Variants in FLRT1 observed in about 807,000 individuals in gnomAD.
FLRT1 encodes fibronectin leucine rich transmembrane protein 1, also known as leucine-rich repeat transmembrane protein FLRT1.
A neutral mutation model predicts 30.9 loss-of-function variants in FLRT1; 14 were observed. That is an observed-to-expected ratio of 0.45 (90% confidence interval 0.30 to 0.71). FLRT1 has a LOEUF of 0.71. FLRT1 is among the 30% of genes least tolerant of loss of function. FLRT1 has a pLI of 0.08. For missense variants in FLRT1, 737 were observed against 949.2 expected, an observed-to-expected ratio of 0.78 and a Z score of 2.94; for synonymous variants, 368 against 430.4, an observed-to-expected ratio of 0.85 and a Z score of 1.80.
chr11:64,114,192 T>A (rs1224629066), intron 2 of FLRT1, among the ~76,000 whole-genome samples: 8 of 104,682 alleles, frequency 7.6e-5, no homozygotes, highest in East Asian at 2.9e-4. Flanking sequence ...GGATGGATGG[T>A]TAGATGGATG....
intron 2 of FLRT1, among the ~76,000 whole-genome samples, chr11:64,115,018 G>T (rs752950952): frequency 1.3e-5 from 2 of 152,184 alleles, no homozygotes; most frequent in African/African-American, 2.4e-5. Flanking sequence ...TAAGGTCCCT[G>T]CTGGCTCAGT....
At position 64,117,926 on chromosome 11, in the gene FLRT1, G is replaced by A; in HGVS notation, c.1659G>A (p.Leu553=). 1 of 1,613,976 alleles carries A rather than the reference G, an allele frequency of 6.2e-7. No homozygotes were observed. Among genetic ancestry groups the A allele is most frequent in the Non-Finnish European group, 8.5e-7 (1 of 1,180,008 alleles). ...QNAGPMASLP[L]AGIIGGAVAL... ...CTGGCCCCATGGCGAGCCTGCCCCT[G>A]GCGGGCATCATCGGCGGGGCAGTGG... Residue 553 remains leucine (L), a synonymous_variant, in exon 3 of 3, where the codon CTG becomes CTA. Coordinates refer to ENST00000682287, the MANE Select transcript of FLRT1 (RefSeq NM_013280.5).
rs663149 is a variant in FLRT1, at chr11:64,119,067, C to T, written c.*775C>T. On this transcript the variant is annotated 3_prime_UTR_variant, in exon 3 of 3. Coordinates refer to ENST00000682287, the MANE Select transcript of FLRT1 (RefSeq NM_013280.5). ...TCTGTCTGCCTGTCTATCCCTGTCG[C>T]GGTGTCTCTAAGTACAGATGGGTAG... 0.54 allele frequency: 90,626 copies of T among 167,230 alleles called. 28,272 individuals are homozygous for T. Among genetic ancestry groups the T allele is most frequent in the Non-Finnish European group, 0.68 (46,460 of 68,102 alleles). The allele number at this position is 167,230 out of a possible 1,614,324, so 10.4% of individuals were successfully genotyped here. A position where few individuals can be genotyped will look rare whatever the true frequency, so the allele number is the denominator to read the frequency against.
chr11:64,108,532 C>T (rs886866705), intron 2 of FLRT1, among the ~76,000 whole-genome samples: 8 of 152,294 alleles, frequency 5.3e-5, no homozygotes, highest in South Asian at 2.1e-4. Flanking sequence ...GCAGTTGAGC[C>T]CCCAGGAAGG....
chr11:64,069,785 G>A (rs747143795), intron 1 of FLRT1, among the ~76,000 whole-genome samples: 32 of 152,196 alleles, frequency 2.1e-4, no homozygotes, highest in Non-Finnish European at 4.0e-4. Context: ...GCACGCTGCC[G>A]GCCACTGCAG....
At chr11:64,098,791 G>A (rs1365762503) in intron 1 of FLRT1, among the ~76,000 whole-genome samples, 1 of 152,146 alleles carries the variant, frequency 6.6e-6, no homozygotes, top group Non-Finnish European at 1.5e-5. Context: ...CCAGGGAGGG[G>A]GCAGGCATGT....
At chr11:64,039,627 GC>G (rs1427087953) in intron 1 of FLRT1, among the ~76,000 whole-genome samples, 5 of 152,244 alleles carry the variant, frequency 3.3e-5, no homozygotes, top group Admixed American at 1.3e-4. Flanking sequence ...CGGACAGCCT[GC>G]CTGGAGTTCT....
Position 64,118,482 on chromosome 11 carries a change from G to T in FLRT1, c.*190G>T. On this transcript the variant is annotated 3_prime_UTR_variant, in exon 3 of 3. Coordinates refer to ENST00000682287, the MANE Select transcript of FLRT1 (RefSeq NM_013280.5). ...ACAACAGTGACAATTTTTTTTAAAAGAATAGAAGGCAGGAGGGGGAATTCG... is the reference window on the plus strand; with the variant it reads ...ACAACAGTGACAATTTTTTTTAAAATAATAGAAGGCAGGAGGGGGAATTCG... 1.8e-6 allele frequency: 1 copy of T among 549,412 alleles called. No individual in the cohort carries two copies. Among genetic ancestry groups the T allele is most frequent in the Non-Finnish European group, 3.0e-6 (1 of 331,222 alleles). 34.0% of individuals were successfully genotyped at this position (549,412 alleles called of 1,614,324 possible).
At chr11:64,046,216 G>T (rs1943581486) in intron 1 of FLRT1, among the ~76,000 whole-genome samples, 1 of 152,088 alleles carries the variant, frequency 6.6e-6, no homozygotes, top group Non-Finnish European at 1.5e-5. Flanking sequence ...ACTCCCACTG[G>T]GTCCCCAGTC....
intron 1 of FLRT1, among the ~76,000 whole-genome samples, chr11:64,071,823 G>A (rs80231682): frequency 0.054 from 8,219 of 152,182 alleles, 277 homozygotes; most frequent in South Asian, 0.14. Flanking sequence ...GGATCTTTAA[G>A]GGGCATCGAG....
chr11:64,055,447 A>C (rs1943767640), intron 1 of FLRT1, among the ~76,000 whole-genome samples: 1 of 152,104 alleles, frequency 6.6e-6, no homozygotes, highest in African/African-American at 2.4e-5. Context: ...GTGGCAGGGC[A>C]GGTAGCTCCT....
chr11:64,114,708 T>C (rs577771816), intron 2 of FLRT1, among the ~76,000 whole-genome samples: 4 of 151,028 alleles, frequency 2.6e-5, no homozygotes, highest in Admixed American at 1.3e-4. Flanking sequence ...GACTGATACA[T>C]AGATGGATGG....
intron 1 of FLRT1, among the ~76,000 whole-genome samples, chr11:64,083,936 C>T (rs991593135): frequency 6.6e-6 from 1 of 152,162 alleles, no homozygotes; most frequent in Admixed American, 6.5e-5. Flanking sequence ...GGCACATATG[C>T]GGCAGCCCGG....
Position 64,119,016 on chromosome 11 carries a change from A to G in FLRT1, c.*724A>G, listed in dbSNP as rs1945050406. On this transcript the variant is annotated 3_prime_UTR_variant, in exon 3 of 3. Transcript: ENST00000682287. ...CCGTAGAAGCCCCGGCGGAAGCCGT[A>G]GCTTTCCCTGCCACCTGGAGGTGCA... is the stretch of plus-strand genomic sequence containing the variant. 6.0e-6 allele frequency: 1 copy of G among 167,084 alleles called. No individual in the cohort carries two copies. Among genetic ancestry groups the G allele is most frequent in the South Asian group, 2.1e-4 (1 of 4,820 alleles). 10.4% of individuals were successfully genotyped at this position (167,084 alleles called of 1,614,324 possible). A position where few individuals can be genotyped will look rare whatever the true frequency, so the allele number is the denominator to read the frequency against.
chr11:64,102,845 G>A (rs1191692823), intron 1 of FLRT1, among the ~76,000 whole-genome samples: 1 of 152,064 alleles, frequency 6.6e-6, no homozygotes, highest in African/African-American at 2.4e-5. Flanking sequence ...CGAGGTGGGC[G>A]GATCATGAAG....
intron 1 of FLRT1, among the ~76,000 whole-genome samples, chr11:64,070,658 G>T (rs1041159040): frequency 1.3e-5 from 2 of 152,182 alleles, no homozygotes; most frequent in African/African-American, 4.8e-5. Flanking sequence ...GGCCTCAGGG[G>T]CCTCCCAGCT....
At chr11:64,061,173 T>C (rs530354716) in intron 1 of FLRT1, among the ~76,000 whole-genome samples, 1 of 152,322 alleles carries the variant, frequency 6.6e-6, no homozygotes, top group East Asian at 1.9e-4. Context: ...TTGTAATGAG[T>C]ATGGATTTGC....
At chr11:64,111,696 C>G (rs1944866026) in intron 2 of FLRT1, among the ~76,000 whole-genome samples, 1 of 152,162 alleles carries the variant, frequency 6.6e-6, no homozygotes, top group African/African-American at 2.4e-5. Flanking sequence ...ACCCCACCAC[C>G]TAGGCTTTTC....
intron 2 of FLRT1, among the ~76,000 whole-genome samples, chr11:64,113,984 T>C (rs1018335374): frequency 2.4e-5 from 2 of 83,768 alleles, no homozygotes; most frequent in African/African-American, 9.6e-5. Context: ...GGATGGATAA[T>C]TGGATGGATG....
Sources: allele counts gnomAD v4.1 joint callset (sites outside exome capture counted in the v4.1 genomes callset), GRCh38; gene constraint gnomAD v4.1.1; transcripts MANE v1.5; gene names NCBI Gene and HGNC (gene_info 2026-07-23, HGNC 2026-07-21).